The following VAPA variants were observed in gnomAD, a reference collection of about 807,000 sequenced individuals.
The protein encoded by VAPA is VAMP associated protein A, also known as vesicle-associated membrane protein-associated protein A.
A neutral mutation model predicts 25.6 loss-of-function variants in VAPA; 6 were observed. The observed-to-expected ratio is 0.23, with a 90% CI of 0.13 to 0.46. The LOEUF (loss-of-function observed/expected upper bound fraction) is 0.46. Among genes scored for constraint, VAPA ranks in the 20% least tolerant of loss-of-function variants. The pLI is 0.99. For missense variants in VAPA, 244 were observed against 302.1 expected, an observed-to-expected ratio of 0.81 and a Z score of 1.43; for synonymous variants, 112 against 106.2, an observed-to-expected ratio of 1.05 and a Z score of -0.34.
chr18:9,938,872 A>G (rs1257888387), intron 4 of VAPA, among the ~76,000 whole-genome samples: 3 of 152,192 alleles, frequency 2.0e-5, no homozygotes, highest in African/African-American at 7.2e-5. Flanking sequence ...AACAATGACT[A>G]GTTTGTGGTT....
intron 2 of VAPA, among the ~76,000 whole-genome samples, chr18:9,933,335 A>C (rs1222211383): frequency 6.6e-6 from 1 of 152,124 alleles, no homozygotes; most frequent in East Asian, 1.9e-4. Flanking sequence ...TATAGCCAAA[A>C]ACCTCAAGAG....
chr18:9,959,745 AAATG>A lies in VAPA; in HGVS notation c.*5535_*5538del, dbSNP rs1221878599. On this transcript the variant is annotated 3_prime_UTR_variant, in exon 6 of 6. Transcript: ENST00000400000. ...CCAAAAAAAAAAAAAAAAAAAAAAAAAATGTGGAGGGTTGAAATGGTAAGGAATT... is the reference window on the plus strand; with the variant it reads ...CCAAAAAAAAAAAAAAAAAAAAAAAATGGAGGGTTGAAATGGTAAGGAATT... The A allele has an allele frequency of 6.3e-5, 9 of 142,004 alleles. No homozygotes were observed. The highest frequency in any genetic ancestry group is 2.2e-4 in the Admixed American group (3 of 13,914). 8.8% of individuals were successfully genotyped at this position (142,004 alleles called of 1,614,324 possible).
At chr18:9,928,327 A>AT (rs1046275567) in intron 1 of VAPA, among the ~76,000 whole-genome samples, 1 of 152,154 alleles carries the variant, frequency 6.6e-6, no homozygotes, top group Non-Finnish European at 1.5e-5. Flanking sequence ...TAAATAAAAG[A>AT]TATATACAGT....
Position 9,955,588 on chromosome 18 carries a change from A to G in VAPA, c.*1377A>G, listed in dbSNP as rs2069540324. On this transcript the variant is annotated 3_prime_UTR_variant, in exon 6 of 6. Transcript: ENST00000400000. ...TTTTTTAAAAGATGCGCTCTACCTG[A>G]AAAGGAAATTGGATTTTAGAACTGG... 1 of 152,154 alleles carries G rather than the reference A, an allele frequency of 6.6e-6. No homozygotes were observed. The highest frequency in any genetic ancestry group is 2.4e-5 in the African/African-American group (1 of 41,444). 9.4% of individuals were successfully genotyped at this position (152,154 alleles called of 1,614,324 possible).
chr18:9,941,022 A>G (rs1261831770), intron 4 of VAPA, among the ~76,000 whole-genome samples: 2 of 152,194 alleles, frequency 1.3e-5, no homozygotes, highest in African/African-American at 4.8e-5. Context: ...GTGAGCTTGG[A>G]AAAATACTGT....
rs146214366 is a variant in VAPA, at chr18:9,932,836, C to G, written c.232+874C>G. On this transcript the variant is annotated intron_variant, in intron 2 of 5. Coordinates refer to ENST00000400000, the MANE Select transcript of VAPA (RefSeq NM_194434.3). ...AGAAATGTTACATTTAGGCCGGGCG[C>G]GGTGGCTTATGCCTGTAATCCCAGC... Among the ~76,000 whole-genome samples the G allele has an allele frequency of 4.8e-3, 724 of 152,198 alleles. 3 individuals are homozygous for G. The highest frequency in any genetic ancestry group is 0.017 in the African/African-American group (696 of 41,528).
intron 4 of VAPA, chr18:9,947,521 A>G (rs1187793564): frequency 1.3e-5 from 2 of 152,236 alleles, no homozygotes; most frequent in African/African-American, 4.8e-5. Context: ...AGGCTAAATA[A>G]TATAGTGGAA....
chr18:9,922,571 G>A (rs1212575154), intron 1 of VAPA, among the ~76,000 whole-genome samples: 1 of 152,096 alleles, frequency 6.6e-6, no homozygotes, highest in African/African-American at 2.4e-5. Flanking sequence ...TATATATGCT[G>A]GTGACTGACC....
At chr18:9,919,343 G>T (rs566691464) in intron 1 of VAPA, among the ~76,000 whole-genome samples, 1 of 152,182 alleles carries the variant, frequency 6.6e-6, no homozygotes, top group Non-Finnish European at 1.5e-5. Context: ...TTCAATTATG[G>T]ATCTAATTTG....
chr18:9,943,472 T>C (rs973410122), intron 4 of VAPA, among the ~76,000 whole-genome samples: 15 of 152,200 alleles, frequency 9.9e-5, no homozygotes, highest in African/African-American at 3.6e-4. Context: ...ATTTTGTTAA[T>C]GGCCCCTAGT....
intron 5 of VAPA, among the ~76,000 whole-genome samples, chr18:9,951,639 A>G (rs2069491303): frequency 6.6e-6 from 1 of 152,250 alleles, no homozygotes; most frequent in Admixed American, 6.5e-5. Flanking sequence ...CAAGACCTAA[A>G]TACCTATACG....
At chr18:9,930,911 T>C in intron 1 of VAPA, among the ~76,000 whole-genome samples, 1 of 152,160 alleles carries the variant, frequency 6.6e-6, no homozygotes, top group Non-Finnish European at 1.5e-5. Context: ...TTGAAATAAG[T>C]GTCTTTTAAT....
chr18:9,925,941 T>C (rs1364853242), intron 1 of VAPA, among the ~76,000 whole-genome samples: 1 of 152,146 alleles, frequency 6.6e-6, no homozygotes, highest in Non-Finnish European at 1.5e-5. Context: ...GTACAAAATT[T>C]ATGAGAGTTC....
At chr18:9,926,015 A>T (rs900876459) in intron 1 of VAPA, among the ~76,000 whole-genome samples, 2 of 152,096 alleles carry the variant, frequency 1.3e-5, no homozygotes, top group African/African-American at 4.8e-5. Context: ...ATGACCTTGG[A>T]CTACTGTTTA....
chr18:9,934,603 T>A (rs2069289344), intron 2 of VAPA, among the ~76,000 whole-genome samples: 1 of 152,220 alleles, frequency 6.6e-6, no homozygotes, highest in Non-Finnish European at 1.5e-5. Context: ...TTACATTTAT[T>A]TACCCGTGTT....
rs188662570 is a variant in VAPA at position 9,959,024 on chromosome 18, C to G, written c.*4813C>G. 39 of 151,346 alleles carry G rather than the reference C, an allele frequency of 2.6e-4. No homozygotes were observed. The highest frequency in any genetic ancestry group is 1.4e-3 in the Admixed American group (21 of 15,240). 9.4% of individuals were successfully genotyped at this position (151,346 alleles called of 1,614,324 possible). On this transcript the variant is annotated 3_prime_UTR_variant, in exon 6 of 6. Coordinates refer to ENST00000400000, the MANE Select transcript of VAPA (RefSeq NM_194434.3). Reference sequence around the variant, plus strand: ...ACATGCTTATTACTTAGTTTTACGTCAGCTCATTTCATCATCATTGATAAC... The same window carrying G: ...ACATGCTTATTACTTAGTTTTACGTGAGCTCATTTCATCATCATTGATAAC...
chr18:9,953,110 G>T (rs530259089), intron 5 of VAPA, among the ~76,000 whole-genome samples: 1 of 152,258 alleles, frequency 6.6e-6, no homozygotes, highest in Admixed American at 6.5e-5. Flanking sequence ...TTTTCCCAAG[G>T]TTCACATTGC....
At chr18:9,935,011 C>T (rs1162315117) in intron 2 of VAPA, among the ~76,000 whole-genome samples, 2 of 148,672 alleles carry the variant, frequency 1.3e-5, no homozygotes, top group Non-Finnish European at 3.0e-5. Context: ...AGGAGAATGG[C>T]GTGAACCTGG....
chr18:9,922,783 A>G (rs1235781388), intron 1 of VAPA, among the ~76,000 whole-genome samples: 2 of 152,160 alleles, frequency 1.3e-5, no homozygotes, highest in Admixed American at 6.5e-5. Context: ...TTTCTCTTGA[A>G]TACAGCCTCT....
Sources: allele counts gnomAD v4.1 joint callset (sites outside exome capture counted in the v4.1 genomes callset), GRCh38; gene constraint gnomAD v4.1.1; transcripts MANE v1.5; gene names NCBI Gene and HGNC (gene_info 2026-07-23, HGNC 2026-07-21).